The following PALM2AKAP2 variants were observed in gnomAD, a reference collection of about 807,000 sequenced individuals.
PALM2AKAP2 encodes the protein PALM2-AKAP2 fusion protein.
In PALM2AKAP2, 37 loss-of-function variants were observed where a neutral mutation model predicts 71.5. The observed-to-expected ratio is 0.52, with a 90% CI of 0.40 to 0.68. The LOEUF (loss-of-function observed/expected upper bound fraction) is 0.68. Among genes scored for constraint, PALM2AKAP2 ranks in the 30% least tolerant of loss-of-function variants. The probability of loss-of-function intolerance (pLI) is 0.00; values close to 1 mark genes in which losing one functional copy is unlikely to be tolerated. For synonymous variants in PALM2AKAP2, 468 were observed against 478.8 expected, an observed-to-expected ratio of 0.98 and a Z score of 0.29; for missense variants, 1,224 against 1,191.8, an observed-to-expected ratio of 1.03 and a Z score of -0.40.
intron 1 of PALM2AKAP2, among the ~76,000 whole-genome samples, chr9:110,128,402 G>T (rs1355045372): frequency 6.6e-6 from 1 of 152,198 alleles, no homozygotes; most frequent in Non-Finnish European, 1.5e-5. Context: ...GGAAAACGGA[G>T]ATACTCTCTG....
At position 110,122,717 on chromosome 9, in the gene PALM2AKAP2, C is replaced by T. The variant is rs140345253; in HGVS notation, c.157-13410C>T. On this transcript the variant is annotated intron_variant, in intron 1 of 3. Coordinates refer to ENST00000374525, the Ensembl canonical transcript of PALM2AKAP2. Reference sequence around the variant, plus strand: ...AAATTGAAGTTTACTTCCCAGTCAACCAGGACCAAGTTTCAAAATGGCTTC... The same window carrying T: ...AAATTGAAGTTTACTTCCCAGTCAATCAGGACCAAGTTTCAAAATGGCTTC... 3.8e-4 allele frequency among the ~76,000 whole-genome samples: 58 copies of T among 152,326 alleles called. No homozygotes were observed. The East Asian group carries it at 7.1e-3, about 19-fold the overall frequency.
chr9:109,738,424 G>T (rs1828669851), intron 1 of PALM2AKAP2, among the ~76,000 whole-genome samples: 1 of 152,196 alleles, frequency 6.6e-6, no homozygotes, highest in Non-Finnish European at 1.5e-5. Flanking sequence ...AATAATGATT[G>T]TTTAGGTAGG....
intron 1 of PALM2AKAP2, among the ~76,000 whole-genome samples, chr9:109,675,350 T>C (rs1362801651): frequency 6.6e-6 from 1 of 152,172 alleles, no homozygotes; most frequent in African/African-American, 2.4e-5. Context: ...GACACTAAGA[T>C]ACTTAAATTT....
At chr9:109,741,255 G>A (rs1401886044) in intron 1 of PALM2AKAP2, among the ~76,000 whole-genome samples, 2 of 152,142 alleles carry the variant, frequency 1.3e-5, no homozygotes, top group Admixed American at 1.3e-4. Context: ...TCACTCAATG[G>A]AATGTTTTAG....
At chr9:109,786,116 T>C (rs1162859984) in intron 1 of PALM2AKAP2, among the ~76,000 whole-genome samples, 5 of 152,242 alleles carry the variant, frequency 3.3e-5, no homozygotes, top group African/African-American at 1.2e-4. Context: ...TGGCTTTTCG[T>C]TGGATTCGCC....
At chr9:109,808,025 A>G (rs981873958) in intron 1 of PALM2AKAP2, among the ~76,000 whole-genome samples, 1 of 152,226 alleles carries the variant, frequency 6.6e-6, no homozygotes, top group African/African-American at 2.4e-5. Context: ...TGGAACTGTG[A>G]TTCAATTAAA....
Position 109,872,553 on chromosome 9 carries a change from G to C in PALM2AKAP2, c.126+4982G>C, listed in dbSNP as rs1829627483. ...AACTGCCTTTGAATTACTTATTCAT[G>C]AGCGGGGAACCCTCACTAGAGTTTT... is the stretch of plus-strand genomic sequence containing the variant. On this transcript the variant is annotated intron_variant, in intron 2 of 9. Coordinates refer to the PALM2AKAP2 transcript ENST00000302798. 2.0e-5 allele frequency among the ~76,000 whole-genome samples: 3 copies of C among 152,198 alleles called. No homozygotes were observed. In the South Asian group the frequency reaches 6.2e-4, roughly 32 times the overall value.
At chr9:110,124,809 T>C (rs1289746780) in intron 1 of PALM2AKAP2, among the ~76,000 whole-genome samples, 2 of 152,278 alleles carry the variant, frequency 1.3e-5, no homozygotes, top group Non-Finnish European at 1.5e-5. Context: ...TGGACTATAA[T>C]GTAGCCACTT....
chr9:109,723,242 T>G (rs181338090), intron 1 of PALM2AKAP2, among the ~76,000 whole-genome samples: 10 of 152,310 alleles, frequency 6.6e-5, no homozygotes, highest in Admixed American at 5.9e-4. Flanking sequence ...ACCAGGCCTA[T>G]CCATTCAGCC....
intron 2 of PALM2AKAP2, among the ~76,000 whole-genome samples, chr9:110,154,435 C>T (rs1027760868): frequency 1.3e-5 from 2 of 152,124 alleles, no homozygotes; most frequent in Non-Finnish European, 2.9e-5. Context: ...ACTAAGTGTG[C>T]AGGAGTGAGG....
At chr9:109,839,725 A>G (rs1447969417) in intron 1 of PALM2AKAP2, among the ~76,000 whole-genome samples, 3 of 152,086 alleles carry the variant, frequency 2.0e-5, no homozygotes, top group African/African-American at 7.2e-5. Context: ...TTATACACCA[A>G]TAACAGAGAG....
At chr9:110,137,908 G>A (rs1835930736) in exon 2 of PALM2AKAP2, 2 of 1,614,150 alleles carry the variant, frequency 1.2e-6, no homozygotes. Context: ...CCACGCTGGG[G>A]GACTCTCCGT....
intron 1 of PALM2AKAP2, among the ~76,000 whole-genome samples, chr9:109,782,965 C>A (rs1180956970): frequency 1.3e-5 from 2 of 152,044 alleles, no homozygotes; most frequent in Non-Finnish European, 2.9e-5. Context: ...CACAAGCCTG[C>A]CCCCAGAACC....
chr9:109,881,977 G>A (rs553423973), intron 3 of PALM2AKAP2, among the ~76,000 whole-genome samples: 309 of 144,910 alleles, frequency 2.1e-3, no homozygotes, highest in Non-Finnish European at 3.3e-3. Flanking sequence ...TCCGCCTCCC[G>A]GGTTCAAGCG....
chr9:109,856,499 A>AT (rs1203555407), intron 1 of PALM2AKAP2, among the ~76,000 whole-genome samples: 1 of 152,188 alleles, frequency 6.6e-6, no homozygotes, highest in Non-Finnish European at 1.5e-5. Flanking sequence ...TGGTGTATCC[A>AT]TTTTTTCCTG....
intron 1 of PALM2AKAP2, among the ~76,000 whole-genome samples, chr9:109,803,556 G>C (rs549776799): frequency 3.3e-5 from 5 of 152,196 alleles, no homozygotes; most frequent in Non-Finnish European, 7.3e-5. Context: ...TGGTGATTTT[G>C]CAAGTAGTAA....
intron 1 of PALM2AKAP2, among the ~76,000 whole-genome samples, chr9:110,088,703 G>GTTTTTTTGTTTTTT (rs1834629219): frequency 2.6e-5 from 2 of 75,574 alleles, no homozygotes; most frequent in Non-Finnish European, 5.5e-5. Context: ...GCATTTACGT[G>GTTTTTTTGTTTTTT]TTTTTTTTTT....
At chr9:110,055,123 T>C (rs892316893) in intron 1 of PALM2AKAP2, among the ~76,000 whole-genome samples, 6 of 152,306 alleles carry the variant, frequency 3.9e-5, no homozygotes, top group Middle Eastern at 3.4e-3. Flanking sequence ...TTGGTCTTCA[T>C]TGGGACAATG....
chr9:110,126,369 C>G (rs1460562151), intron 1 of PALM2AKAP2, among the ~76,000 whole-genome samples: 1 of 152,196 alleles, frequency 6.6e-6, no homozygotes, highest in African/African-American at 2.4e-5. Context: ...AGGGACACAG[C>G]AAATTTATAA....
Sources: allele counts gnomAD v4.1 joint callset (sites outside exome capture counted in the v4.1 genomes callset), GRCh38; gene constraint gnomAD v4.1.1; transcripts MANE v1.5; gene names NCBI Gene and HGNC (gene_info 2026-07-23, HGNC 2026-07-21).